The following ASB4 variants were observed in gnomAD, a reference collection of about 807,000 sequenced individuals.
The protein encoded by ASB4 is ankyrin repeat and SOCS box containing 4.
Under a neutral mutation model 38.6 loss-of-function variants are expected in ASB4, and 35 were observed. The ratio of observed to expected loss-of-function variants is 0.91; its 90% CI spans 0.69 to 1.20. The LOEUF is 1.20. Ranked by LOEUF, ASB4 falls within the 50% of genes most tolerant of loss-of-function variation. The pLI, the probability that ASB4 is intolerant of heterozygous loss-of-function variation, is 0.00. For synonymous variants in ASB4, 195 were observed against 201.3 expected (o/e 0.97, Z 0.26); for missense variants, 557 against 527.2 (o/e 1.06, Z -0.55).
chr7:95,536,758 C>T (rs1204083914), intron 4 of ASB4, among the ~76,000 whole-genome samples: 2 of 152,142 alleles, frequency 1.3e-5, no homozygotes, highest in Admixed American at 1.3e-4. Flanking sequence ...TGGGGAATTC[C>T]TCCATTTAAG....
At chr7:95,532,670 A>G (rs890749027) in intron 3 of ASB4, among the ~76,000 whole-genome samples, 3 of 152,170 alleles carry the variant, frequency 2.0e-5, no homozygotes, top group Admixed American at 2.0e-4. Flanking sequence ...TGGCTTACAG[A>G]TGATGTTTGG....
intron 1 of ASB4, among the ~76,000 whole-genome samples, chr7:95,494,122 T>C (rs1251137923): frequency 6.6e-6 from 1 of 152,194 alleles, no homozygotes; most frequent in African/African-American, 2.4e-5. Context: ...GCTTATAGGA[T>C]AAATACCCAG....
chr7:95,501,446 C>G (rs1004077328), intron 2 of ASB4, among the ~76,000 whole-genome samples: 1 of 152,164 alleles, frequency 6.6e-6, no homozygotes, highest in Admixed American at 6.5e-5. Context: ...AATAGATAGG[C>G]CTGCTGGACA....
intron 1 of ASB4, among the ~76,000 whole-genome samples, chr7:95,494,258 G>T (rs1790214917): frequency 6.6e-6 from 1 of 152,158 alleles, no homozygotes; most frequent in Non-Finnish European, 1.5e-5. Context: ...CTTGTAAGGG[G>T]CAATGCCCAG....
At chr7:95,508,729 A>T (rs117962784) in intron 2 of ASB4, among the ~76,000 whole-genome samples, 1,980 of 152,246 alleles carry the variant, frequency 0.013, 55 homozygotes, top group Admixed American at 0.055. Flanking sequence ...AGATGAAGGG[A>T]ATTTAAAGTT....
chr7:95,490,084 T>A (rs971629802), intron 1 of ASB4, among the ~76,000 whole-genome samples: 2 of 152,236 alleles, frequency 1.3e-5, no homozygotes, highest in African/African-American at 4.8e-5. Flanking sequence ...TTTAAGTACT[T>A]CGTTTATGGC....
At chr7:95,525,008 G>A (rs1471144357) in intron 2 of ASB4, among the ~76,000 whole-genome samples, 1 of 152,174 alleles carries the variant, frequency 6.6e-6, no homozygotes, top group African/African-American at 2.4e-5. Flanking sequence ...ACCCTTCAAA[G>A]TGTCTGCGTG....
downstream of ASB4, chr7:95,543,617 G>C (rs1456595080): frequency 3.3e-5 from 5 of 152,246 alleles, no homozygotes; most frequent in African/African-American, 1.2e-4. Flanking sequence ...GTAACAGTAA[G>C]GCCCTGGGGT....
chr7:95,536,563 T>C lies in ASB4; in HGVS notation c.1092+13T>C. 6.5e-7 allele frequency: 1 copy of C among 1,547,452 alleles called. No individual in the cohort carries two copies. Among genetic ancestry groups the C allele is most frequent in the Non-Finnish European group, 8.9e-7 (1 of 1,121,166 alleles). On this transcript the variant is annotated intron_variant, in intron 4 of 4. Coordinates refer to ENST00000325885, the MANE Select transcript of ASB4 (RefSeq NM_016116.3). ...TGATGACTTGGAGGTAAATAATCGATTCCCTTCTAATAGTTTTCACTATCA... is the reference window on the plus strand; with the variant it reads ...TGATGACTTGGAGGTAAATAATCGACTCCCTTCTAATAGTTTTCACTATCA...
intron 1 of ASB4, among the ~76,000 whole-genome samples, chr7:95,490,343 C>T (rs3801918): frequency 0.089 from 13,538 of 152,154 alleles, 996 homozygotes; most frequent in East Asian, 0.37. Context: ...TTCCTTTCTT[C>T]GATGTTCAAA....
intron 3 of ASB4, among the ~76,000 whole-genome samples, chr7:95,531,464 T>C (rs1169970259): frequency 1.3e-5 from 2 of 152,236 alleles, no homozygotes; most frequent in African/African-American, 4.8e-5. Context: ...TCTATCACTT[T>C]ATCCATGAAT....
chr7:95,489,790 T>A (rs1790144331), intron 1 of ASB4, among the ~76,000 whole-genome samples: 1 of 152,240 alleles, frequency 6.6e-6, no homozygotes, highest in Admixed American at 6.5e-5. Flanking sequence ...ACATTAATTA[T>A]GAGCCAACCA....
intron 2 of ASB4, among the ~76,000 whole-genome samples, chr7:95,525,673 T>C (rs552255715): frequency 1.3e-5 from 2 of 152,340 alleles, no homozygotes; most frequent in South Asian, 2.1e-4. Context: ...CTCCAGCATC[T>C]GAAGTGACCC....
Position 95,486,628 on chromosome 7 carries a change from G to A in ASB4, c.187+470G>A, listed in dbSNP as rs1585793229. ...AAAAGAGGAATCTCCCCAACATTTG[G>A]AGGGTTAATAAATGGATAAAGCGGT... On this transcript the variant is annotated intron_variant, in intron 1 of 4. Transcript: ENST00000325885. 2.6e-5 allele frequency among the ~76,000 whole-genome samples: 4 copies of A among 152,336 alleles called. No homozygotes were observed. In the South Asian group the frequency reaches 6.2e-4, roughly 24 times the overall value.
chr7:95,479,171 T>G (rs1790003265), intron 1 of ASB4, among the ~76,000 whole-genome samples: 1 of 152,168 alleles, frequency 6.6e-6, no homozygotes, highest in Non-Finnish European at 1.5e-5. Context: ...GAGAGGTATT[T>G]TGAATTATTT....
At chr7:95,528,843 G>GTA in intron 3 of ASB4, 1 of 386,886 alleles carries the variant, frequency 2.6e-6, no homozygotes. Context: ...ATCATACGAG[G>GTA]TATATATTAT....
At chr7:95,543,138 G>T (rs567092468), downstream of ASB4, 134 of 151,344 alleles carry the variant, frequency 8.9e-4, 1 homozygote, top group African/African-American at 3.2e-3. Flanking sequence ...GACAAGTGGT[G>T]GGAACCAATA....
the ASB4 span, among the ~76,000 whole-genome samples, chr7:95,548,389 T>G: frequency 6.6e-6 from 1 of 152,250 alleles, no homozygotes; most frequent in South Asian, 2.1e-4. Context: ...TTGGAATAGT[T>G]TGTCATTTGT....
At chr7:95,536,621 A>T in intron 4 of ASB4, 71 bp downstream of exon 4, 1 of 1,145,770 alleles carries the variant, frequency 8.7e-7, no homozygotes, top group Non-Finnish European at 1.2e-6. Context: ...AGTACAGAAA[A>T]TTGTAACAAA....
Sources: gnomAD v4.1 joint callset for allele counts (sites outside exome capture counted in the v4.1 genomes callset) on GRCh38, gnomAD v4.1.1 for gene constraint, MANE v1.5 for transcripts, NCBI Gene and HGNC (gene_info 2026-07-23, HGNC 2026-07-21) for gene names.